MTMR12: variants seen among roughly 807,000 people sequenced by gnomAD.
MTMR12 encodes the protein myotubularin-related protein 12.
A neutral mutation model predicts 96.7 loss-of-function variants in MTMR12; 33 were observed. That is an observed-to-expected ratio of 0.34 (90% CI 0.26 to 0.46). The LOEUF is 0.46. Among genes scored for constraint, MTMR12 ranks in the 20% least tolerant of loss-of-function variants. MTMR12 has a pLI of 1.00. For synonymous variants in MTMR12, 298 were observed against 327.2 expected, an observed-to-expected ratio of 0.91 and a Z score of 0.96; for missense variants, 721 against 896.1, an observed-to-expected ratio of 0.80 and a Z score of 2.49.
At chr5:32,267,165 A>G (rs1749632299) in intron 6 of MTMR12, among the ~76,000 whole-genome samples, 1 of 150,630 alleles carries the variant, frequency 6.6e-6, no homozygotes, top group Non-Finnish European at 1.5e-5. Flanking sequence ...CACCTGAGGT[A>G]AGGAGTTCAA....
chr5:32,287,554 C>T (rs1297505986), intron 1 of MTMR12, among the ~76,000 whole-genome samples: 1 of 152,172 alleles, frequency 6.6e-6, no homozygotes, highest in Non-Finnish European at 1.5e-5. Flanking sequence ...CACATACATA[C>T]ATACATCCTG....
chr5:32,278,691 A>G (rs1750156964), intron 1 of MTMR12, among the ~76,000 whole-genome samples: 1 of 152,178 alleles, frequency 6.6e-6, no homozygotes, highest in South Asian at 2.1e-4. Flanking sequence ...CTGATTTTGT[A>G]AAAAGCTCCC....
chr5:32,254,608 C>T (rs919855388), intron 8 of MTMR12, among the ~76,000 whole-genome samples: 1 of 138,132 alleles, frequency 7.2e-6, no homozygotes, highest in Non-Finnish European at 1.6e-5. Context: ...TTTGGGAGGC[C>T]GAGGCGGGTG....
chr5:32,255,734 G>T lies in MTMR12; in HGVS notation c.748C>A (p.Pro250Thr). 4 of 1,613,048 alleles carry T rather than the reference G, an allele frequency of 2.5e-6. 1 individual carries two copies. The South Asian group carries it at 4.4e-5, about 18-fold the overall frequency. ...PAYFVVPTPL[P>T]EENVQRFQGH... ...TGAAAGCGCTGCACATTCTCTTCAG[G>T]AAGAGGGGTGGGGACAACAAAGTAT... Residue 250 changes from proline to threonine, a missense_variant, in exon 8 of 16, where the codon CCT (proline) becomes ACT (threonine). Transcript: ENST00000382142.
At chr5:32,272,672 C>A (rs547111814) in intron 3 of MTMR12, among the ~76,000 whole-genome samples, 2 of 152,178 alleles carry the variant, frequency 1.3e-5, no homozygotes, top group African/African-American at 4.8e-5. Flanking sequence ...AGCCACCGCG[C>A]GTGGTCCAGA....
intron 8 of MTMR12, among the ~76,000 whole-genome samples, chr5:32,250,159 G>A (rs547906913): frequency 9.2e-5 from 14 of 152,142 alleles, no homozygotes; most frequent in South Asian, 2.1e-4. Context: ...GAACTGGTTC[G>A]GGATTTCTGG....
chr5:32,268,676 A>G (rs1474561689), intron 6 of MTMR12, 25 bp downstream of exon 6: 1 of 1,593,320 alleles, frequency 6.3e-7, no homozygotes, highest in Non-Finnish European at 8.6e-7. Flanking sequence ...GCTTACCCTC[A>G]AATTAGAACC....
chr5:32,235,931 A>G (rs1380759838), intron 13 of MTMR12, among the ~76,000 whole-genome samples: 2 of 152,304 alleles, frequency 1.3e-5, no homozygotes, highest in East Asian at 3.9e-4. Flanking sequence ...GGAAGATTGG[A>G]GATGCCTGGA....
intron 8 of MTMR12, among the ~76,000 whole-genome samples, chr5:32,250,709 A>G (rs967420757): frequency 3.9e-5 from 6 of 152,220 alleles, no homozygotes; most frequent in Non-Finnish European, 8.8e-5. Flanking sequence ...AAGGGCAGAA[A>G]GCATAGTCCC....
chr5:32,230,116 T>C lies in MTMR12; in HGVS notation c.1906A>G (p.Ile636Val), dbSNP rs1256053394. ...LLLPHIEGPE[I>V]KVWAQRYLRW... is the part of the protein sequence containing the mutation. ...AGGTAGCGCTGGGCCCAGACTTTGA[T>C]TTCGGGCCCCTCGATATGCGGTAAC... The change falls in exon 16 of 16, where the codon ATC (isoleucine) becomes GTC (valine). Residue 636 changes from isoleucine to valine, a missense_variant. Transcript: ENST00000382142. 5 of 1,612,476 alleles carry C rather than the reference T, an allele frequency of 3.1e-6. No individual in the cohort carries two copies. The highest frequency in any genetic ancestry group is 1.3e-5 in the African/African-American group (1 of 74,864).
chr5:32,257,407 C>A (rs1749183326), intron 7 of MTMR12, among the ~76,000 whole-genome samples: 1 of 152,138 alleles, frequency 6.6e-6, no homozygotes, highest in Non-Finnish European at 1.5e-5. Flanking sequence ...ACTGTTGAGT[C>A]TGGGTATTTT....
intron 14 of MTMR12, among the ~76,000 whole-genome samples, chr5:32,234,600 A>G (rs1024699837): frequency 6.6e-6 from 1 of 152,160 alleles, no homozygotes; most frequent in Non-Finnish European, 1.5e-5. Context: ...TCCAGTTCCA[A>G]TATTTACCAT....
Position 32,233,816 on chromosome 5 carries a change from T to G in MTMR12, c.1631A>C (p.Lys544Thr). The G allele has an allele frequency of 6.2e-7, 1 of 1,614,180 alleles. No homozygotes were observed. The highest frequency in any genetic ancestry group is 8.5e-7 in the Non-Finnish European group (1 of 1,180,034). ...CCGTTGGCCTTTGTCCAGTTTTGGC[T>G]TTTCCACATAAAGAGGGTTTTTGAG... ...TLLKNPLYVE[K>T]PKLDKGQRKG... Residue 544 changes from lysine to threonine, a missense_variant, in exon 15 of 16, where the codon AAG becomes ACG. Lys to Thr is a moderately conservative substitution (Grantham distance 78). Transcript: ENST00000382142. This position sits in a 1 kb window ranked among gnomAD's most constrained non-coding sequence, Gnocchi z 5.0.
chr5:32,283,021 C>T (rs922142296), intron 1 of MTMR12, among the ~76,000 whole-genome samples: 2 of 152,170 alleles, frequency 1.3e-5, no homozygotes, highest in African/African-American at 2.4e-5. Context: ...CGAGAGCACC[C>T]GTATCTGGAT....
At position 32,270,402 on chromosome 5, in the gene MTMR12, C is replaced by T. The variant is rs1308379374; in HGVS notation, c.489+415G>A. ...ACTTCCTCCTTTCCATGCACAACTA[C>T]TACCTCCCAGAGGTAAACTCATTTA... On this transcript the variant is annotated intron_variant, in intron 5 of 15. Coordinates refer to ENST00000382142, the MANE Select transcript of MTMR12 (RefSeq NM_001040446.3). Among the ~76,000 whole-genome samples, 3 of 152,176 alleles carry T rather than the reference C, an allele frequency of 2.0e-5. No homozygotes were observed. The East Asian group carries it at 5.8e-4, about 29-fold the overall frequency.
chr5:32,289,441 T>C lies in MTMR12; in HGVS notation c.82-12699A>G, dbSNP rs562592103. ...GGACCCCACCACATTACCAACAATT[T>C]ACGCAGTGGATCTTTCTCTCATCCT... On this transcript the variant is annotated intron_variant, in intron 1 of 15. Coordinates refer to ENST00000382142, the MANE Select transcript of MTMR12 (RefSeq NM_001040446.3). 2.6e-5 allele frequency among the ~76,000 whole-genome samples: 4 copies of C among 152,298 alleles called. No individual in the cohort carries two copies. The East Asian group carries it at 7.7e-4, about 29-fold the overall frequency.
chr5:32,243,587 T>C lies in MTMR12; in HGVS notation c.1034A>G (p.Glu345Gly), dbSNP rs1241349512. 6.2e-7 allele frequency: 1 copy of C among 1,607,744 alleles called. No individual in the cohort carries two copies. The highest frequency in any genetic ancestry group is 1.3e-5 in the African/African-American group (1 of 74,854). Reference sequence around the variant, plus strand: ...CCATTTTATATCTGTGTCCCAAAATTCAGTACTGTTATCTGAAAAAAGAAA... The same window carrying C: ...CCATTTTATATCTGTGTCCCAAAATCCAGTACTGTTATCTGAAAAAAGAAA... ...KQLFLIDNST[E>G]FWDTDIKWFS... Residue 345 changes from glutamate (E) to glycine (G), a missense_variant, in exon 11 of 16, where the codon GAA (glutamate) becomes GGA (glycine). Glu to Gly is a moderately conservative substitution (Grantham distance 98, BLOSUM62 -2). Coordinates refer to ENST00000382142, the MANE Select transcript of MTMR12 (RefSeq NM_001040446.3).
intron 12 of MTMR12, among the ~76,000 whole-genome samples, chr5:32,240,938 C>T (rs1748443995): frequency 6.6e-6 from 1 of 152,086 alleles, no homozygotes; most frequent in South Asian, 2.1e-4. Flanking sequence ...CTTCTTGGAT[C>T]TGAAGGGTGT....
chr5:32,302,227 G>A (rs1156580910), intron 1 of MTMR12, among the ~76,000 whole-genome samples: 1 of 152,204 alleles, frequency 6.6e-6, no homozygotes, highest in African/African-American at 2.4e-5. Flanking sequence ...TTTAGGAAAA[G>A]CATTTAAATA....
Sources: gnomAD v4.1 joint callset for allele counts (sites outside exome capture counted in the v4.1 genomes callset) on GRCh38, gnomAD v4.1.1 for gene constraint, Gnocchi (gnomAD v3.1) non-coding constraint, MANE v1.5 for transcripts, NCBI Gene and HGNC (gene_info 2026-07-23, HGNC 2026-07-21) for gene names.